The following BDNF variants were observed in gnomAD, a reference collection of about 807,000 sequenced individuals.
BDNF encodes brain derived neurotrophic factor.
In BDNF, 1 loss-of-function variant was observed where a neutral mutation model predicts 19.5. The observed-to-expected ratio is 0.05, with a 90% CI of 0.02 to 0.24. BDNF has a LOEUF of 0.24. BDNF is among the 10% of genes least tolerant of loss of function. The pLI, the probability that BDNF is intolerant of heterozygous loss-of-function variation, is 1.00. For synonymous variants in BDNF, 100 were observed against 121.6 expected (o/e 0.82, Z 1.17); for missense variants, 195 against 317.6 (o/e 0.61, Z 2.93).
rs1428800699 is a variant in BDNF, at chr11:27,658,921, C to T, written c.-21-336G>A. On this transcript the variant is annotated intron_variant, in intron 1 of 1. Coordinates refer to ENST00000356660, the MANE Select transcript of BDNF (RefSeq NM_001709.5). This position sits in a 1 kb window ranked among gnomAD's most constrained non-coding sequence, Gnocchi z 5.7. ...TAAGTTTAATTTTTAATGATCTCTG[C>T]TCATGCTGTCACGAGAAACACAAAA... 3 of 1,175,840 alleles carry T rather than the reference C, an allele frequency of 2.6e-6. No individual in the cohort carries two copies. The highest frequency in any genetic ancestry group is 3.2e-6 in the Non-Finnish European group (3 of 937,518). 72.8% of individuals were successfully genotyped at this position (1,175,840 alleles called of 1,614,324 possible). A position where few individuals can be genotyped will look rare whatever the true frequency, so the allele number is the denominator to read the frequency against.
chr11:27,666,975 AC>A (rs1277792188), intron 1 of BDNF, among the ~76,000 whole-genome samples: 5 of 152,226 alleles, frequency 3.3e-5, no homozygotes, highest in African/African-American at 1.2e-4. Context: ...TGTCAGATTC[AC>A]CAAAGTTGAA....
At chr11:27,720,042 G>A (rs1260753394) in intron 1 of BDNF, among the ~76,000 whole-genome samples, 2 of 152,058 alleles carry the variant, frequency 1.3e-5, no homozygotes, top group African/African-American at 4.8e-5. Flanking sequence ...CCAGCAAAGA[G>A]AACGGAAAAG....
At chr11:27,714,466 A>G (rs770924722) in intron 1 of BDNF, among the ~76,000 whole-genome samples, 1 of 152,214 alleles carries the variant, frequency 6.6e-6, no homozygotes, top group South Asian at 2.1e-4. Context: ...AGTAAATTTG[A>G]TAGCAGGTCT....
At chr11:27,702,104 T>C (rs769092453), upstream of BDNF, among the ~76,000 whole-genome samples, 38 of 152,232 alleles carry the variant, frequency 2.5e-4, no homozygotes, top group Non-Finnish European at 7.3e-5. Flanking sequence ...TGATGAACTC[T>C]GTCAACCGTC....
intron 1 of BDNF, among the ~76,000 whole-genome samples, chr11:27,687,067 C>T (rs1564974849): frequency 1.3e-5 from 2 of 152,192 alleles, no homozygotes; most frequent in Admixed American, 6.5e-5. Flanking sequence ...TTGGTCTTTT[C>T]ACATAGTCCC....
At chr11:27,717,747 T>G (rs1860569371) in intron 1 of BDNF, among the ~76,000 whole-genome samples, 1 of 152,198 alleles carries the variant, frequency 6.6e-6, no homozygotes, top group South Asian at 2.1e-4. Flanking sequence ...CTTGCCTTCA[T>G]GCTGAAGAGC....
At chr11:27,674,918 T>C (rs1290461138) in intron 1 of BDNF, 1 of 889,490 alleles carries the variant, frequency 1.1e-6, no homozygotes, top group Non-Finnish European at 1.3e-6. Context: ...GTATTAAACT[T>C]GATAAAAAAT....
chr11:27,689,649 A>G (rs886432321), intron 1 of BDNF, among the ~76,000 whole-genome samples: 2 of 152,204 alleles, frequency 1.3e-5, no homozygotes, highest in African/African-American at 4.8e-5. Context: ...GACTGCCTGA[A>G]GAGCAATTAC....
intron 1 of BDNF, among the ~76,000 whole-genome samples, chr11:27,710,849 C>G (rs183267999): frequency 1.3e-5 from 2 of 152,184 alleles, no homozygotes; most frequent in Non-Finnish European, 2.9e-5. Flanking sequence ...CAGAAGTCAA[C>G]TAACTTGGAA....
At chr11:27,695,420 A>G (rs1156579934) in intron 1 of BDNF, among the ~76,000 whole-genome samples, 2 of 152,188 alleles carry the variant, frequency 1.3e-5, no homozygotes, top group Admixed American at 6.5e-5. Flanking sequence ...AGTTTTAAGA[A>G]ATCCTCCCTT....
chr11:27,721,712 G>A (rs1180068612), exon 1 of BDNF: 3 of 515,626 alleles, frequency 5.8e-6, no homozygotes, highest in Non-Finnish European at 1.0e-5. Flanking sequence ...GAGTTCTTAC[G>A]TGATTCTAAT....
chr11:27,673,396 C>CA, intron 1 of BDNF, among the ~76,000 whole-genome samples: 1 of 152,072 alleles, frequency 6.6e-6, no homozygotes. Flanking sequence ...CATGCCAGAA[C>CA]AATCACACAT....
At chr11:27,717,789 A>C (rs1371118361) in intron 1 of BDNF, among the ~76,000 whole-genome samples, 1 of 152,054 alleles carries the variant, frequency 6.6e-6, no homozygotes, top group South Asian at 2.1e-4. Context: ...AGTGAATATC[A>C]GGTGCACCAT....
At chr11:27,701,210 C>G (rs549170049), upstream of BDNF, 1 of 1,182,738 alleles carries the variant, frequency 8.5e-7, no homozygotes, top group African/African-American at 1.6e-5. Context: ...CCAGGAAGCC[C>G]AGGCAATGAC....
intron 1 of BDNF, chr11:27,674,773 A>G: frequency 1.9e-5 from 18 of 968,782 alleles, no homozygotes; most frequent in Non-Finnish European, 2.2e-5. Flanking sequence ...AAATACCAAC[A>G]TATTTCATCT....
At chr11:27,700,015 G>T in intron 1 of BDNF, 149 bp downstream of exon 1, 2 of 803,862 alleles carry the variant, frequency 2.5e-6, no homozygotes, top group South Asian at 5.6e-5. Context: ...AACTCCCCAA[G>T]AGTAACTCCA....
At chr11:27,701,720 G>T, upstream of BDNF, 1 of 583,008 alleles carries the variant, frequency 1.7e-6, no homozygotes, top group Non-Finnish European at 2.2e-6. Context: ...TCTAGTGCAC[G>T]AATTACCAGA....
At chr11:27,703,403 C>A (rs565713514), upstream of BDNF, among the ~76,000 whole-genome samples, 2 of 152,224 alleles carry the variant, frequency 1.3e-5, no homozygotes, top group South Asian at 4.1e-4. Context: ...TGAGTTCTAC[C>A]CTCAGGTTTT....
At chr11:27,721,477 A>C (rs76656357) in exon 1 of BDNF, 236 of 1,586,968 alleles carry the variant, frequency 1.5e-4, no homozygotes, top group Non-Finnish European at 1.9e-4. Flanking sequence ...CAGATGCTGG[A>C]AGGTAATGTG....
Sources: gnomAD v4.1 joint callset for allele counts (sites outside exome capture counted in the v4.1 genomes callset) on GRCh38, gnomAD v4.1.1 for gene constraint, Gnocchi (gnomAD v3.1) non-coding constraint, MANE v1.5 for transcripts, NCBI Gene and HGNC (gene_info 2026-07-23, HGNC 2026-07-21) for gene names.